PTPRA: variants seen among roughly 807,000 people sequenced by gnomAD.
PTPRA encodes the protein protein tyrosine phosphatase receptor type A.
A neutral mutation model predicts 104.8 loss-of-function variants in PTPRA; 25 were observed. That is an observed-to-expected ratio of 0.24 (90% CI 0.17 to 0.33). PTPRA has a LOEUF of 0.33. Among genes scored for constraint, PTPRA ranks in the 10% least tolerant of loss-of-function variants. The pLI is 1.00. For missense variants in PTPRA, 765 were observed against 1,015.3 expected (o/e 0.75, Z 3.35); for synonymous variants, 323 against 368.9 (o/e 0.88, Z 1.43).
chr20:2,952,653 C>T (rs748933848), intron 3 of PTPRA, among the ~76,000 whole-genome samples: 1 of 152,144 alleles, frequency 6.6e-6, no homozygotes, highest in Non-Finnish European at 1.5e-5. Flanking sequence ...CCATCACCGC[C>T]ATCCATCTCT....
rs557773265 is a variant in PTPRA, at chr20:2,941,242, G to C, written c.-49-6740G>C. 2.0e-5 allele frequency among the ~76,000 whole-genome samples: 3 copies of C among 152,210 alleles called. No individual in the cohort carries two copies. The South Asian group carries it at 6.2e-4, about 32-fold the overall frequency. On this transcript the variant is annotated intron_variant, in intron 2 of 23. Coordinates refer to ENST00000399903, the MANE Select transcript of PTPRA (RefSeq NM_001385305.1). The stretch of plus-strand genomic sequence containing the variant: ...GATGGGGTTTCACCATGTTGGCCAG[G>C]CTGGTCTTGAACTCCTGACCTCAGG...
intron 2 of PTPRA, among the ~76,000 whole-genome samples, chr20:2,928,251 T>G (rs2060379866): frequency 6.6e-6 from 1 of 151,710 alleles, no homozygotes; most frequent in Non-Finnish European, 1.5e-5. Context: ...TTCTCCTGCC[T>G]CAGCCTCCTA....
intron 9 of PTPRA, among the ~76,000 whole-genome samples, chr20:3,003,924 T>G (rs887254141): frequency 6.6e-6 from 1 of 152,170 alleles, no homozygotes; most frequent in Non-Finnish European, 1.5e-5. Context: ...AGCTTCCCAC[T>G]CTGATAAAAC....
chr20:2,938,901 C>CT, intron 2 of PTPRA, among the ~76,000 whole-genome samples: 1 of 152,110 alleles, frequency 6.6e-6, no homozygotes, highest in South Asian at 2.1e-4. Flanking sequence ...TGTTGATTGC[C>CT]TTTTTTCATT....
chr20:2,865,891 T>A, the PTPRA span: 1 of 471,858 alleles, frequency 2.1e-6, no homozygotes, highest in Non-Finnish European at 3.9e-6. This position sits in a 1 kb window ranked among gnomAD's most constrained non-coding sequence, Gnocchi z 5.2. Flanking sequence ...GGTTTGAGAA[T>A]GTCAATCACA....
intron 6 of PTPRA, among the ~76,000 whole-genome samples, chr20:2,976,222 T>A (rs1010265375): frequency 2.0e-5 from 3 of 152,208 alleles, no homozygotes; most frequent in African/African-American, 7.2e-5. Context: ...TAATACAGTG[T>A]CTTTGCTGTT....
intron 3 of PTPRA, among the ~76,000 whole-genome samples, chr20:2,954,229 C>T (rs925052739): frequency 1.1e-4 from 17 of 151,922 alleles, no homozygotes; most frequent in Admixed American, 7.9e-4. Flanking sequence ...AGGCGCCCGC[C>T]ACCACGCCTG....
At chr20:2,974,783 G>A (rs758571787) in intron 5 of PTPRA, among the ~76,000 whole-genome samples, 7 of 152,166 alleles carry the variant, frequency 4.6e-5, no homozygotes, top group African/African-American at 1.7e-4. Flanking sequence ...TCTTTCTACT[G>A]TTGGGGTTTA....
intron 12 of PTPRA, 44 bp from the exon 13 acceptor site, chr20:3,017,772 T>A (rs765895375): frequency 3.2e-6 from 5 of 1,545,784 alleles, no homozygotes. Flanking sequence ...AGCATCTTTC[T>A]TCTTGGTGTA....
chr20:2,947,934 A>C (rs2061198685), intron 2 of PTPRA, 48 bp from the exon 3 acceptor site: 2 of 854,902 alleles, frequency 2.3e-6, no homozygotes, highest in Non-Finnish European at 3.3e-6. Flanking sequence ...AATGCTTCAC[A>C]TAACCTAGAT....
At chr20:2,878,901 C>T (rs1300218807) in intron 1 of PTPRA, among the ~76,000 whole-genome samples, 1 of 150,202 alleles carries the variant, frequency 6.7e-6, no homozygotes, top group Non-Finnish European at 1.5e-5. Flanking sequence ...GTAACTGAAG[C>T]CAACTTGTGG....
At chr20:2,966,294 G>A (rs1480423115) in intron 5 of PTPRA, among the ~76,000 whole-genome samples, 1 of 152,144 alleles carries the variant, frequency 6.6e-6, no homozygotes, top group Non-Finnish European at 1.5e-5. Context: ...GGCATAGCTG[G>A]CTTACTTTAT....
At chr20:2,933,250 A>AT (rs1316845886) in intron 2 of PTPRA, among the ~76,000 whole-genome samples, 1 of 152,016 alleles carries the variant, frequency 6.6e-6, no homozygotes, top group African/African-American at 2.4e-5. Flanking sequence ...GCAAAGATGA[A>AT]TTTTTTCAGT....
At chr20:2,870,934 A>G (rs956588179), upstream of PTPRA, among the ~76,000 whole-genome samples, 2 of 152,170 alleles carry the variant, frequency 1.3e-5, no homozygotes, top group African/African-American at 2.4e-5. Context: ...CTTCTCTTCC[A>G]GGATAACCCT....
intron 1 of PTPRA, among the ~76,000 whole-genome samples, chr20:2,903,394 A>G (rs938554483): frequency 1.9e-4 from 29 of 152,270 alleles, no homozygotes; most frequent in Non-Finnish European, 3.4e-4. Context: ...TATATAAGAA[A>G]TAGAATTATT....
At chr20:2,938,465 T>C (rs1167225799) in intron 2 of PTPRA, among the ~76,000 whole-genome samples, 1 of 152,124 alleles carries the variant, frequency 6.6e-6, no homozygotes, top group Non-Finnish European at 1.5e-5. Flanking sequence ...GGATTACAGA[T>C]GCGAGCCACC....
chr20:2,989,503 C>T (rs1432916401), intron 9 of PTPRA, among the ~76,000 whole-genome samples: 1 of 152,004 alleles, frequency 6.6e-6, no homozygotes, highest in Non-Finnish European at 1.5e-5. Flanking sequence ...GTGGTGGGGA[C>T]AGGGGATTGG....
intron 17 of PTPRA, among the ~76,000 whole-genome samples, chr20:3,026,280 G>A (rs2065142203): frequency 6.6e-6 from 1 of 152,190 alleles, no homozygotes; most frequent in Non-Finnish European, 1.5e-5. Flanking sequence ...CGCTGCTGGT[G>A]TATGGGCTAC....
At chr20:2,942,372 G>A (rs181919018) in intron 2 of PTPRA, among the ~76,000 whole-genome samples, 2 of 152,160 alleles carry the variant, frequency 1.3e-5, no homozygotes, top group Admixed American at 1.3e-4. Flanking sequence ...TTTGACATCA[G>A]TGTTATACTA....
Sources: gnomAD v4.1 joint callset for allele counts (sites outside exome capture counted in the v4.1 genomes callset) on GRCh38, gnomAD v4.1.1 for gene constraint, Gnocchi (gnomAD v3.1) non-coding constraint, MANE v1.5 for transcripts, NCBI Gene and HGNC (gene_info 2026-07-23, HGNC 2026-07-21) for gene names.